Variants in FBXL4 observed in about 807,000 individuals in gnomAD.
FBXL4 encodes the protein F-box/LRR-repeat protein 4.
FBXL4 carries 40 observed loss-of-function variants against 58.9 expected under a neutral mutation model. The observed-to-expected ratio is 0.68, with a 90% CI of 0.53 to 0.88. FBXL4 has a LOEUF of 0.88. FBXL4 is among the 40% of genes least tolerant of loss of function. The probability of loss-of-function intolerance (pLI) is 0.00; values close to 1 mark genes in which losing one functional copy is unlikely to be tolerated. For missense variants in FBXL4, 676 were observed against 734.4 expected (o/e 0.92, Z 0.92); for synonymous variants, 263 against 265.5 (o/e 0.99, Z 0.09).
At chr6:98,937,658 C>T (rs1232563132) in intron 1 of FBXL4, among the ~76,000 whole-genome samples, 1 of 152,102 alleles carries the variant, frequency 6.6e-6, no homozygotes, top group African/African-American at 2.4e-5. Flanking sequence ...GAGGCAGGCA[C>T]ACTCGGTGCA....
intron 7 of FBXL4, among the ~76,000 whole-genome samples, chr6:98,888,260 T>C (rs12110702): frequency 0.16 from 24,223 of 152,220 alleles, 2,321 homozygotes; most frequent in East Asian, 0.47. Flanking sequence ...CACTCATTAA[T>C]GTATTGTCTG....
At position 98,900,943 on chromosome 6, in the gene FBXL4, TTAGC is replaced by T. The variant is rs1771587032; in HGVS notation, c.1104-1466_1104-1463del. On this transcript the variant is annotated intron_variant, in intron 6 of 9. Transcript: ENST00000369244. ...ACTGCTGCTTCCTTTGCTAGCTGTA[TTAGC>T]TAAACTGCAGTCTACATGAAGCACA... 2.0e-5 allele frequency among the ~76,000 whole-genome samples: 3 copies of T among 152,162 alleles called. No individual in the cohort carries two copies. In the South Asian group the frequency reaches 6.2e-4, roughly 32 times the overall value.
At chr6:98,897,066 G>T in intron 7 of FBXL4, 5 of 983,688 alleles carry the variant, frequency 5.1e-6, no homozygotes, top group Non-Finnish European at 6.0e-6. Flanking sequence ...TATTTTTTTG[G>T]TTTTTACCCT....
At chr6:98,933,042 A>T (rs1773072073) in intron 2 of FBXL4, among the ~76,000 whole-genome samples, 1 of 152,220 alleles carries the variant, frequency 6.6e-6, no homozygotes. Flanking sequence ...ATCCTGCTGA[A>T]ACTGATCAAG....
At chr6:98,879,323 G>A (rs966254385) in intron 8 of FBXL4, among the ~76,000 whole-genome samples, 5 of 152,134 alleles carry the variant, frequency 3.3e-5, no homozygotes, top group African/African-American at 1.2e-4. Context: ...GAAATGGAAT[G>A]GTCTGGGGAT....
chr6:98,938,998 C>T (rs964370721), intron 1 of FBXL4, among the ~76,000 whole-genome samples: 3 of 148,048 alleles, frequency 2.0e-5, no homozygotes, highest in African/African-American at 7.5e-5. Context: ...CTGTTTCCAC[C>T]TCAGGAGGCT....
At position 98,917,409 on chromosome 6, in the gene FBXL4, G is replaced by T; in HGVS notation, c.823C>A (p.Pro275Thr). 6.2e-7 allele frequency: 1 copy of T among 1,610,480 alleles called. No homozygotes were observed. Among genetic ancestry groups the T allele is most frequent in the Non-Finnish European group, 8.5e-7 (1 of 1,178,270 alleles). Residue 275 changes from proline (P) to threonine (T), a missense_variant, in exon 5 of 10, where the codon CCA (proline) becomes ACA (threonine). By Grantham distance (38) the Pro-to-Thr change is conservative (BLOSUM62 -1). Coordinates refer to ENST00000369244, the MANE Select transcript of FBXL4 (RefSeq NM_001278716.2). The stretch of plus-strand genomic sequence containing the variant: ...AGTTTATCAAAATACCCATTATTTG[G>T]CCCTTCCCCGAGGACAGCACTGCTA... ...KFSSAVLGEG[P>T]NNGYFDKLPY...
rs550510374 is a variant in FBXL4 at position 98,873,993 on chromosome 6, C to A, written c.*285G>T. ...CCTTTGAAAATAAGTTAGCATGATT[C>A]CATGTTATTCTTTTATCAATCATAT... On this transcript the variant is annotated 3_prime_UTR_variant, in exon 10 of 10. Coordinates refer to ENST00000369244, the MANE Select transcript of FBXL4 (RefSeq NM_001278716.2). 5.5e-5 allele frequency: 12 copies of A among 218,436 alleles called. 1 individual carries two copies. The East Asian group carries it at 1.2e-3, about 22-fold the overall frequency. 13.5% of individuals were successfully genotyped at this position (218,436 alleles called of 1,614,324 possible). A position where few individuals can be genotyped will look rare whatever the true frequency, so the allele number is the denominator to read the frequency against.
At chr6:98,918,746 A>C (rs1043996640) in intron 4 of FBXL4, among the ~76,000 whole-genome samples, 3 of 152,112 alleles carry the variant, frequency 2.0e-5, no homozygotes, top group Non-Finnish European at 4.4e-5. Context: ...TTTACATCAA[A>C]GAATAAGAAT....
At chr6:98,887,868 A>G (rs1446825997) in intron 7 of FBXL4, among the ~76,000 whole-genome samples, 6 of 152,218 alleles carry the variant, frequency 3.9e-5, no homozygotes, top group Non-Finnish European at 4.4e-5. Context: ...GCACAAATTA[A>G]CACAGTTTCA....
chr6:98,875,455 C>T lies in FBXL4; in HGVS notation c.1662G>A (p.Leu554=), dbSNP rs756767279. 6.2e-7 allele frequency: 1 copy of T among 1,614,008 alleles called. No homozygotes were observed. The highest frequency in any genetic ancestry group is 8.5e-7 in the Non-Finnish European group (1 of 1,179,968). Residue 554 remains leucine (L), a synonymous_variant, in exon 9 of 10, where the codon TTG becomes TTA. Coordinates refer to ENST00000369244, the MANE Select transcript of FBXL4 (RefSeq NM_001278716.2). Reference sequence around the variant, plus strand: ...GCTGTAACCTGGTACAATTACATGCCAATTCATCAATGTCTGTGTCACACA... The same window carrying T: ...GCTGTAACCTGGTACAATTACATGCTAATTCATCAATGTCTGTGTCACACA... The part of the protein sequence containing the change: ...RSVCDTDIDE[L]ACNCTRLQQL...
At chr6:98,903,166 T>C (rs1215663733) in intron 6 of FBXL4, among the ~76,000 whole-genome samples, 1 of 152,162 alleles carries the variant, frequency 6.6e-6, no homozygotes, top group Admixed American at 6.6e-5. Flanking sequence ...GTCTTCTTCA[T>C]AGTACTGAGC....
chr6:98,873,310 T>TA lies in FBXL4; in HGVS notation c.*967dup, dbSNP rs550486584. The stretch of plus-strand genomic sequence containing the variant: ...ATATATAATATATACATGTATATAT[T>TA]AAAAATCATAAATGTGGATATATAT... On this transcript the variant is annotated 3_prime_UTR_variant, in exon 10 of 10. Transcript: ENST00000369244. The TA allele has an allele frequency of 2.0e-5, 3 of 147,762 alleles. No individual in the cohort carries two copies. The highest frequency in any genetic ancestry group is 7.4e-5 in the African/African-American group (3 of 40,718). The allele number at this position is 147,762 out of a possible 1,614,324, so 9.2% of individuals were successfully genotyped here. A position where few individuals can be genotyped will look rare whatever the true frequency, so the allele number is the denominator to read the frequency against.
At chr6:98,885,657 TTCCTGGGTCTTAAACC>T (rs1771012594) in intron 7 of FBXL4, among the ~76,000 whole-genome samples, 1 of 152,220 alleles carries the variant, frequency 6.6e-6, no homozygotes. Flanking sequence ...ACATCAGCTC[TTCCTGGGTCTTAAACC>T]TGCTACCTGT....
chr6:98,915,697 G>C (rs1262050422), intron 5 of FBXL4, among the ~76,000 whole-genome samples: 1 of 152,148 alleles, frequency 6.6e-6, no homozygotes, highest in Non-Finnish European at 1.5e-5. Context: ...ATAAACGTTA[G>C]ACCTAAAACC....
rs757689129 is a variant in FBXL4, at chr6:98,927,022, G to T, written c.-34C>A. 3 of 1,598,124 alleles carry T rather than the reference G, an allele frequency of 1.9e-6. No individual in the cohort carries two copies. Among genetic ancestry groups the T allele is most frequent in the Non-Finnish European group, 2.6e-6 (3 of 1,170,612 alleles). On this transcript the variant is annotated 5_prime_UTR_variant, in exon 4 of 10. Coordinates refer to ENST00000369244, the MANE Select transcript of FBXL4 (RefSeq NM_001278716.2). ...GAATTATGAAGCTTCAAAAGGTCAG[G>T]TGTCCTCAGTAAGATGCATGAACTC...
At chr6:98,946,968 G>A (rs1773643852) in intron 1 of FBXL4, among the ~76,000 whole-genome samples, 2 of 152,168 alleles carry the variant, frequency 1.3e-5, no homozygotes, top group Non-Finnish European at 2.9e-5. Context: ...AGAAACCAAG[G>A]AGTGCACGCA....
Position 98,917,579 on chromosome 6 carries a change from G to C in FBXL4, c.653C>G (p.Thr218Ser). Residue 218 changes from threonine to serine, a missense_variant, in exon 5 of 10, where the codon ACT (threonine) becomes AGT (serine). By Grantham distance (58) the Thr-to-Ser change is moderately conservative (BLOSUM62 1). Coordinates refer to ENST00000369244, the MANE Select transcript of FBXL4 (RefSeq NM_001278716.2). The stretch of plus-strand genomic sequence containing the variant: ...ATGTAGCACAACTGCATCTAATTCA[G>C]TGTAATATTCCAGAAGAGAACTATT... ...EVNSSLLEYY[T>S]ELDAVVLHGV... 6.2e-7 allele frequency: 1 copy of C among 1,613,978 alleles called. No homozygotes were observed. The highest frequency in any genetic ancestry group is 1.1e-5 in the South Asian group (1 of 91,070).
chr6:98,874,437 T>C lies in FBXL4; in HGVS notation c.1707A>G (p.Thr569=). Reference sequence around the variant, plus strand: ...TTAAGGATGCCGGACTTACCATTCTTGTTCCTATTTAAGGGAAACAAAACA... The same window carrying C: ...TTAAGGATGCCGGACTTACCATTCTCGTTCCTATTTAAGGGAAACAAAACA... ...TRLQQLDILG[T]RMVSPASLRK... is the part of the protein sequence containing the mutation. Residue 569 remains threonine, a synonymous_variant, in exon 10 of 10, where the codon ACA becomes ACG. Coordinates refer to ENST00000369244, the MANE Select transcript of FBXL4 (RefSeq NM_001278716.2). 6.2e-7 allele frequency: 1 copy of C among 1,604,620 alleles called. No homozygotes were observed. Among genetic ancestry groups the C allele is most frequent in the Non-Finnish European group, 8.5e-7 (1 of 1,177,778 alleles).
Sources: allele counts gnomAD v4.1 joint callset (sites outside exome capture counted in the v4.1 genomes callset), GRCh38; gene constraint gnomAD v4.1.1; transcripts MANE v1.5; gene names NCBI Gene and HGNC (gene_info 2026-07-23, HGNC 2026-07-21).